The following MAPKAP1 variants were observed in gnomAD, a reference collection of about 807,000 sequenced individuals.
MAPKAP1 encodes the protein target of rapamycin complex 2 subunit MAPKAP1.
In MAPKAP1, 20 loss-of-function variants were observed where a neutral mutation model predicts 65.7. The observed-to-expected ratio is 0.30, with a 90% CI of 0.21 to 0.44. MAPKAP1 has a LOEUF of 0.44. Ranked by LOEUF, MAPKAP1 falls within the 20% of genes least tolerant of loss-of-function variation. MAPKAP1 has a pLI of 1.00. For synonymous variants in MAPKAP1, 222 were observed against 244.3 expected, an observed-to-expected ratio of 0.91 and a Z score of 0.85; for missense variants, 423 against 648.0, an observed-to-expected ratio of 0.65 and a Z score of 3.77.
At chr9:125,661,271 C>T (rs561878468) in intron 3 of MAPKAP1, among the ~76,000 whole-genome samples, 4 of 152,232 alleles carry the variant, frequency 2.6e-5, no homozygotes, top group Middle Eastern at 3.4e-3. Context: ...AAACGGAATT[C>T]GGAAGATCAA....
chr9:125,480,935 G>A (rs1229827531), intron 9 of MAPKAP1, among the ~76,000 whole-genome samples: 2 of 128,980 alleles, frequency 1.6e-5, no homozygotes, highest in African/African-American at 3.1e-5. Flanking sequence ...TTGCACCACT[G>A]CACTCCAGCC....
chr9:125,600,928 C>G (rs1832281726), intron 4 of MAPKAP1, among the ~76,000 whole-genome samples: 1 of 152,012 alleles, frequency 6.6e-6, no homozygotes, highest in South Asian at 2.1e-4. Context: ...TGAACTAAGC[C>G]CCATCACAGA....
At chr9:125,527,879 T>C (rs1401209508) in intron 7 of MAPKAP1, among the ~76,000 whole-genome samples, 2 of 152,220 alleles carry the variant, frequency 1.3e-5, no homozygotes, top group East Asian at 3.8e-4. Context: ...CATTTACATT[T>C]TCATTTGATG....
At chr9:125,542,603 A>T (rs1279690717) in intron 7 of MAPKAP1, among the ~76,000 whole-genome samples, 1 of 151,646 alleles carries the variant, frequency 6.6e-6, no homozygotes, top group Non-Finnish European at 1.5e-5. Context: ...TTTTTTTTTT[A>T]AAGGTTGCCC....
intron 7 of MAPKAP1, chr9:125,521,451 T>C (rs1031582733): frequency 3.4e-6 from 4 of 1,175,908 alleles, no homozygotes; most frequent in Non-Finnish European, 4.2e-6. Flanking sequence ...TGTTGCTCTG[T>C]AAAGAAATAC....
intron 7 of MAPKAP1, among the ~76,000 whole-genome samples, chr9:125,531,215 CAGT>C (rs1469951313): frequency 6.6e-6 from 1 of 152,212 alleles, no homozygotes; most frequent in African/African-American, 2.4e-5. Context: ...TAACCTTATC[CAGT>C]AGAAGGAAGC....
intron 6 of MAPKAP1, among the ~76,000 whole-genome samples, chr9:125,552,512 T>G (rs749400249): frequency 1.3e-5 from 2 of 152,210 alleles, no homozygotes; most frequent in African/African-American, 4.8e-5. Context: ...TTCTTTTATA[T>G]GCAGAAACAG....
intron 4 of MAPKAP1, among the ~76,000 whole-genome samples, chr9:125,651,810 C>T (rs1321626764): frequency 2.0e-5 from 3 of 152,122 alleles, no homozygotes; most frequent in East Asian, 1.9e-4. Context: ...TGGTTACCCC[C>T]GCACCCCCAC....
At chr9:125,496,952 C>T (rs774250275) in intron 8 of MAPKAP1, among the ~76,000 whole-genome samples, 12 of 152,142 alleles carry the variant, frequency 7.9e-5, no homozygotes, top group Admixed American at 3.9e-4. Context: ...CTGGGTTCCT[C>T]TCCAGTGTGA....
At chr9:125,625,253 AAT>A (rs1564589538) in intron 4 of MAPKAP1, among the ~76,000 whole-genome samples, 17 of 39,128 alleles carry the variant, frequency 4.3e-4, no homozygotes, top group East Asian at 8.4e-4. Flanking sequence ...AAAATAAATA[AAT>A]AAAAAAAAAA....
chr9:125,590,606 C>T (rs569256712), intron 4 of MAPKAP1, among the ~76,000 whole-genome samples: 33 of 151,460 alleles, frequency 2.2e-4, no homozygotes, highest in African/African-American at 6.5e-4. Flanking sequence ...GCTGAGATGG[C>T]GCCACTGCAC....
At chr9:125,704,947 A>G (rs949185717) in intron 1 of MAPKAP1, among the ~76,000 whole-genome samples, 4 of 152,190 alleles carry the variant, frequency 2.6e-5, no homozygotes, top group Non-Finnish European at 5.9e-5. Context: ...GCTTGGAGTT[A>G]TGTGTCGAAG....
At chr9:125,616,895 C>A (rs1832761289) in intron 4 of MAPKAP1, among the ~76,000 whole-genome samples, 1 of 152,094 alleles carries the variant, frequency 6.6e-6, no homozygotes, top group African/African-American at 2.4e-5. Context: ...CCAATCTTTT[C>A]TTTTAAAATT....
At chr9:125,499,254 A>G (rs1828900364) in intron 8 of MAPKAP1, among the ~76,000 whole-genome samples, 1 of 152,242 alleles carries the variant, frequency 6.6e-6, no homozygotes, top group Non-Finnish European at 1.5e-5. Context: ...CTAATCAAAC[A>G]TAGTAACAGA....
intron 5 of MAPKAP1, among the ~76,000 whole-genome samples, chr9:125,575,284 C>T (rs1831359360): frequency 6.6e-6 from 1 of 152,148 alleles, no homozygotes; most frequent in Admixed American, 6.5e-5. Context: ...ATTACTTGAG[C>T]CCAGGAGTTC....
At chr9:125,673,757 C>CA (rs1338248881) in intron 1 of MAPKAP1, among the ~76,000 whole-genome samples, 1 of 151,346 alleles carries the variant, frequency 6.6e-6, no homozygotes, top group East Asian at 1.9e-4. Flanking sequence ...TCTATCTCTA[C>CA]AAAAATATAT....
At chr9:125,477,656 G>C (rs573695448) in intron 9 of MAPKAP1, among the ~76,000 whole-genome samples, 6 of 152,290 alleles carry the variant, frequency 3.9e-5, no homozygotes, top group African/African-American at 1.2e-4. Context: ...CTGGTGCATT[G>C]TAATTTAGCT....
intron 7 of MAPKAP1, among the ~76,000 whole-genome samples, chr9:125,509,035 A>G (rs1196551130): frequency 1.3e-5 from 2 of 152,026 alleles, no homozygotes; most frequent in Non-Finnish European, 2.9e-5. Flanking sequence ...TTATAAAAAT[A>G]CAAATTATAA....
At position 125,706,998 on chromosome 9, in the gene MAPKAP1, G is replaced by T. The variant is rs372269177; in HGVS notation, c.-97C>A. The T allele has an allele frequency of 5.0e-6, 2 of 396,576 alleles. No individual in the cohort carries two copies. Among genetic ancestry groups the T allele is most frequent in the East Asian group, 3.6e-5 (1 of 28,002 alleles). 24.6% of individuals were successfully genotyped at this position (396,576 alleles called of 1,614,324 possible). A position where few individuals can be genotyped will look rare whatever the true frequency, so the allele number is the denominator to read the frequency against. ...GAAGCTGCTTCCACACTACGGGCCG[G>T]GTCGGCCCCGGGACACGTTCCTGAG... is the stretch of plus-strand genomic sequence containing the variant. On this transcript the variant is annotated 5_prime_UTR_variant, in exon 1 of 12. Transcript: ENST00000265960.
Sources: allele counts gnomAD v4.1 joint callset (sites outside exome capture counted in the v4.1 genomes callset), GRCh38; gene constraint gnomAD v4.1.1; transcripts MANE v1.5; gene names NCBI Gene and HGNC (gene_info 2026-07-23, HGNC 2026-07-21).